The following NCAM2 variants were observed in gnomAD, a reference collection of about 807,000 sequenced individuals.
NCAM2 encodes the protein N-CAM-2.
Under a neutral mutation model 98.1 loss-of-function variants are expected in NCAM2, and 30 were observed. That is an observed-to-expected ratio of 0.31 (90% CI 0.23 to 0.41). NCAM2 has a LOEUF of 0.41. Ranked by LOEUF, NCAM2 falls within the 10% of genes least tolerant of loss-of-function variation. NCAM2 has a pLI of 1.00. For synonymous variants in NCAM2, 368 were observed against 342.4 expected, an observed-to-expected ratio of 1.07 and a Z score of -0.83; for missense variants, 867 against 1,005.8, an observed-to-expected ratio of 0.86 and a Z score of 1.87.
intron 8 of NCAM2, among the ~76,000 whole-genome samples, chr21:21,370,939 T>G (rs1478666267): frequency 6.6e-6 from 1 of 151,902 alleles, no homozygotes; most frequent in African/African-American, 2.4e-5. Flanking sequence ...AATTTTTTAT[T>G]TTATTATCAA....
chr21:21,494,106 A>G (rs1987041480), intron 15 of NCAM2, among the ~76,000 whole-genome samples: 1 of 151,940 alleles, frequency 6.6e-6, no homozygotes, highest in Admixed American at 6.6e-5. Context: ...AAAAATAATA[A>G]TACGTATCTT....
At chr21:21,241,059 A>G (rs1377449633) in intron 1 of NCAM2, among the ~76,000 whole-genome samples, 5 of 152,054 alleles carry the variant, frequency 3.3e-5, no homozygotes, top group African/African-American at 4.8e-5. Flanking sequence ...GAAGCAAACT[A>G]TATATGGCAT....
chr21:21,060,828 A>G (rs542642994), intron 1 of NCAM2, among the ~76,000 whole-genome samples: 73 of 152,226 alleles, frequency 4.8e-4, no homozygotes, highest in African/African-American at 1.5e-3. Flanking sequence ...TTTAAAAGAG[A>G]AAAGTCTTGG....
intron 11 of NCAM2, among the ~76,000 whole-genome samples, chr21:21,431,772 A>AT (rs1027557564): frequency 1.1e-4 from 16 of 150,486 alleles, no homozygotes; most frequent in African/African-American, 2.2e-4. Flanking sequence ...TCTCTCTTTT[A>AT]TTTTTTTTTC....
chr21:21,443,424 A>ATT (rs71769670), intron 12 of NCAM2, among the ~76,000 whole-genome samples: 1 of 150,912 alleles, frequency 6.6e-6, no homozygotes, highest in East Asian at 2.0e-4. Context: ...TAAAAGTATA[A>ATT]TTTTTTTTTT....
At chr21:21,200,197 C>T (rs974759829) in intron 1 of NCAM2, among the ~76,000 whole-genome samples, 2 of 151,992 alleles carry the variant, frequency 1.3e-5, no homozygotes, top group African/African-American at 4.8e-5. Context: ...CCAGGCTTGA[C>T]CCCTAGTAAC....
At chr21:21,192,385 G>A (rs1250589326) in intron 1 of NCAM2, among the ~76,000 whole-genome samples, 1 of 152,140 alleles carries the variant, frequency 6.6e-6, no homozygotes, top group East Asian at 1.9e-4. Flanking sequence ...GGTAAATAGA[G>A]CATTTAGAGT....
chr21:21,018,171 C>T (rs1481529900), intron 1 of NCAM2, among the ~76,000 whole-genome samples: 1 of 152,188 alleles, frequency 6.6e-6, no homozygotes, highest in Non-Finnish European at 1.5e-5. Context: ...AAAACAATAT[C>T]TGCTGTCTCC....
chr21:21,402,832 T>C (rs2076661277), intron 9 of NCAM2, among the ~76,000 whole-genome samples: 1 of 152,108 alleles, frequency 6.6e-6, no homozygotes, highest in Non-Finnish European at 1.5e-5. Flanking sequence ...TGGGGGTGGG[T>C]TCCCCTGATA....
chr21:21,326,742 C>G (rs1355312451), intron 6 of NCAM2, among the ~76,000 whole-genome samples: 1 of 151,912 alleles, frequency 6.6e-6, no homozygotes, highest in Non-Finnish European at 1.5e-5. Flanking sequence ...AATGAAATAA[C>G]AATTTATTGA....
chr21:21,207,962 A>G (rs2069506476), intron 1 of NCAM2, among the ~76,000 whole-genome samples: 1 of 152,168 alleles, frequency 6.6e-6, no homozygotes, highest in Non-Finnish European at 1.5e-5. Context: ...TGTGCTTTTT[A>G]ATGGGTTCTG....
At chr21:21,096,776 A>G (rs1245097784) in intron 1 of NCAM2, among the ~76,000 whole-genome samples, 1 of 151,252 alleles carries the variant, frequency 6.6e-6, no homozygotes, top group Non-Finnish European at 1.5e-5. Context: ...GTGTTACTTC[A>G]TCTGGAATGT....
intron 1 of NCAM2, among the ~76,000 whole-genome samples, chr21:21,034,008 T>G (rs1317687757): frequency 1.3e-5 from 2 of 150,302 alleles, no homozygotes; most frequent in Non-Finnish European, 3.0e-5. Context: ...ATTGGTACCT[T>G]TGGAGAGATT....
intron 1 of NCAM2, among the ~76,000 whole-genome samples, chr21:21,030,619 G>A (rs1196787715): frequency 5.9e-5 from 9 of 152,110 alleles, no homozygotes; most frequent in Non-Finnish European, 1.3e-4. Flanking sequence ...TTTGGAAGTG[G>A]GCATCTCCAG....
At chr21:21,320,178 G>A (rs539263886) in intron 5 of NCAM2, among the ~76,000 whole-genome samples, 27 of 152,224 alleles carry the variant, frequency 1.8e-4, no homozygotes, top group East Asian at 1.9e-4. Context: ...TTTGCTATTC[G>A]TCAAATATGC....
At chr21:21,141,885 GT>G (rs1336695694) in intron 1 of NCAM2, among the ~76,000 whole-genome samples, 1 of 152,130 alleles carries the variant, frequency 6.6e-6, no homozygotes, top group African/African-American at 2.4e-5. Flanking sequence ...TGGGTTCAAG[GT>G]ATGCTCATTA....
intron 4 of NCAM2, among the ~76,000 whole-genome samples, chr21:21,289,494 G>T (rs567851695): frequency 6.6e-6 from 1 of 151,846 alleles, no homozygotes; most frequent in African/African-American, 2.4e-5. Context: ...ATATACACAC[G>T]TATTAGCCAG....
chr21:21,096,006 C>T (rs1013823628), intron 1 of NCAM2, among the ~76,000 whole-genome samples: 2 of 151,604 alleles, frequency 1.3e-5, no homozygotes, highest in African/African-American at 2.4e-5. Context: ...AAGAACAGAA[C>T]ATCTGTTTAT....
chr21:21,358,648 A>C (rs987087601), intron 8 of NCAM2, among the ~76,000 whole-genome samples: 1 of 152,058 alleles, frequency 6.6e-6, no homozygotes, highest in African/African-American at 2.4e-5. Context: ...TTGGCATTCC[A>C]AGTTTATATA....
Sources: gnomAD v4.1 joint callset for allele counts (sites outside exome capture counted in the v4.1 genomes callset) on GRCh38, gnomAD v4.1.1 for gene constraint, MANE v1.5 for transcripts, NCBI Gene and HGNC (gene_info 2026-07-23, HGNC 2026-07-21) for gene names.